NTNG1: variants seen among roughly 807,000 people sequenced by gnomAD.
NTNG1 encodes netrin-G1.
NTNG1 carries 16 observed loss-of-function variants against 54.0 expected under a neutral mutation model. That is an observed-to-expected ratio of 0.30 (90% CI 0.20 to 0.45). The LOEUF is 0.45. NTNG1 is among the 20% of genes least tolerant of loss of function. The pLI, the probability that NTNG1 is intolerant of heterozygous loss-of-function variation, is 1.00. For missense variants in NTNG1, 530 were observed against 678.7 expected (o/e 0.78, Z 2.43); for synonymous variants, 255 against 263.1 (o/e 0.97, Z 0.30).
intron 3 of NTNG1, among the ~76,000 whole-genome samples, chr1:107,334,861 G>C (rs1044007826): frequency 1.3e-5 from 2 of 151,914 alleles, no homozygotes; most frequent in Non-Finnish European, 2.9e-5. Flanking sequence ...ATCACGTAGA[G>C]GACCATTCTG....
At chr1:107,322,754 G>A (rs1040582401) in intron 2 of NTNG1, among the ~76,000 whole-genome samples, 1 of 152,080 alleles carries the variant, frequency 6.6e-6, no homozygotes, top group East Asian at 1.9e-4. Flanking sequence ...GAGAAGTACA[G>A]AAACATTTTC....
Position 107,376,812 on chromosome 1 carries a change from C to G in NTNG1, c.888-18342C>G, listed in dbSNP as rs549116963. Reference sequence around the variant, plus strand: ...GCTTCCAGTCTTCTTTTGCTGCCCCCCCAGCCACCAGCCCCAGCACATGCA... The same window carrying G: ...GCTTCCAGTCTTCTTTTGCTGCCCCGCCAGCCACCAGCCCCAGCACATGCA... On this transcript the variant is annotated intron_variant, in intron 3 of 7. Coordinates refer to ENST00000370068, the MANE Select transcript of NTNG1 (RefSeq NM_001113226.3). 5.9e-5 allele frequency among the ~76,000 whole-genome samples: 9 copies of G among 152,274 alleles called. No individual in the cohort carries two copies. In the East Asian group the frequency reaches 9.6e-4, roughly 16 times the overall value.
intron 7 of NTNG1, among the ~76,000 whole-genome samples, chr1:107,456,472 C>T (rs1012502641): frequency 4.6e-5 from 7 of 152,236 alleles, no homozygotes; most frequent in African/African-American, 1.7e-4. Context: ...ATCCCAGAGA[C>T]TGTAGTATTG....
chr1:107,289,534 C>T (rs533526397), intron 2 of NTNG1, among the ~76,000 whole-genome samples: 5 of 152,110 alleles, frequency 3.3e-5, no homozygotes, highest in African/African-American at 4.8e-5. Flanking sequence ...GCCCTCCCCA[C>T]CCCAGGGTTT....
chr1:107,434,655 A>G (rs1675489769), intron 6 of NTNG1, among the ~76,000 whole-genome samples: 1 of 152,188 alleles, frequency 6.6e-6, no homozygotes, highest in Admixed American at 6.5e-5. Flanking sequence ...CTTAAATAGA[A>G]TAAGGGGAAC....
At chr1:107,213,360 A>T (rs1045894319) in intron 2 of NTNG1, among the ~76,000 whole-genome samples, 3 of 152,156 alleles carry the variant, frequency 2.0e-5, no homozygotes, top group Admixed American at 1.3e-4. Context: ...GACCTGGCTA[A>T]CCATTGGCAC....
At chr1:107,184,588 C>G (rs770294677) in intron 2 of NTNG1, among the ~76,000 whole-genome samples, 23 of 152,058 alleles carry the variant, frequency 1.5e-4, no homozygotes, top group Non-Finnish European at 1.6e-4. Flanking sequence ...CTTCCTGTAT[C>G]AATTTATATA....
chr1:107,238,032 G>A (rs571829766), intron 2 of NTNG1, among the ~76,000 whole-genome samples: 2 of 152,146 alleles, frequency 1.3e-5, no homozygotes, highest in African/African-American at 2.4e-5. Context: ...AGCTTGCACC[G>A]TGAGTGTGGA....
intron 2 of NTNG1, among the ~76,000 whole-genome samples, chr1:107,255,002 A>G (rs1662839817): frequency 6.6e-6 from 1 of 152,220 alleles, no homozygotes; most frequent in Non-Finnish European, 1.5e-5. Context: ...TATATTCATA[A>G]ACAACTACAA....
chr1:107,252,894 C>T (rs1273104739), intron 2 of NTNG1, among the ~76,000 whole-genome samples: 1 of 152,084 alleles, frequency 6.6e-6, no homozygotes, highest in African/African-American at 2.4e-5. Flanking sequence ...GGAATATTAC[C>T]ATTACCAAAG....
At chr1:107,339,267 A>G (rs548765518) in intron 3 of NTNG1, among the ~76,000 whole-genome samples, 4 of 152,150 alleles carry the variant, frequency 2.6e-5, no homozygotes, top group Admixed American at 2.0e-4. Flanking sequence ...ACAGGTTACA[A>G]TCTATCAGAC....
At chr1:107,192,211 C>T (rs868318412) in intron 2 of NTNG1, among the ~76,000 whole-genome samples, 3 of 151,894 alleles carry the variant, frequency 2.0e-5, no homozygotes, top group Admixed American at 2.0e-4. Flanking sequence ...GGATTTCACT[C>T]ATGATTTGGC....
intron 3 of NTNG1, among the ~76,000 whole-genome samples, chr1:107,342,954 G>T (rs1169698819): frequency 6.6e-6 from 1 of 152,092 alleles, no homozygotes; most frequent in African/African-American, 2.4e-5. Flanking sequence ...TGCAGCTATA[G>T]ATCACTGGTA....
chr1:107,482,654 A>G lies in NTNG1; in HGVS notation c.*1814A>G, dbSNP rs1431425638. 1.3e-5 allele frequency: 2 copies of G among 152,220 alleles called. No individual in the cohort carries two copies. Among genetic ancestry groups the G allele is most frequent in the Non-Finnish European group, 2.9e-5 (2 of 68,028 alleles). The allele number at this position is 152,220 out of a possible 1,614,324, so 9.4% of individuals were successfully genotyped here. On this transcript the variant is annotated 3_prime_UTR_variant, in exon 8 of 8. Transcript: ENST00000370068. ...ATGAAATTCTACATGACTTGGTAGA[A>G]CAATAACCTATGATAGTGTAAGGTC...
intron 2 of NTNG1, among the ~76,000 whole-genome samples, chr1:107,160,538 C>T (rs10082309): frequency 0.27 from 40,356 of 151,920 alleles, 5,521 homozygotes; most frequent in South Asian, 0.29. Flanking sequence ...AAAATAGAGA[C>T]GTACGTAACA....
At chr1:107,226,337 C>G (rs1262044902) in intron 2 of NTNG1, among the ~76,000 whole-genome samples, 5 of 152,090 alleles carry the variant, frequency 3.3e-5, no homozygotes, top group African/African-American at 1.2e-4. Flanking sequence ...TCAGATGCAA[C>G]CATTAACACA....
In NTNG1 at chr1:107,376,356, C is replaced by T. The variant is rs144335401; in HGVS notation, c.888-18798C>T. On this transcript the variant is annotated intron_variant, in intron 3 of 7. Transcript: ENST00000370068. ...CCGGGAGGCGGAGCTTACAGTGAGCCGAGGTCGCGCCACTGCACTCCAGCC... is the reference window on the plus strand; with the variant it reads ...CCGGGAGGCGGAGCTTACAGTGAGCTGAGGTCGCGCCACTGCACTCCAGCC... Among the ~76,000 whole-genome samples, 123 of 150,808 alleles carry T rather than the reference C, an allele frequency of 8.2e-4. 1 individual carries two copies. The highest frequency in any genetic ancestry group is 2.6e-3 in the African/African-American group (106 of 41,016).
chr1:107,166,335 T>C (rs1036556871), intron 2 of NTNG1, among the ~76,000 whole-genome samples: 3 of 152,214 alleles, frequency 2.0e-5, no homozygotes, highest in Non-Finnish European at 4.4e-5. Flanking sequence ...GTTACCATTG[T>C]GCTGTCTGTG....
intron 5 of NTNG1, among the ~76,000 whole-genome samples, chr1:107,422,013 C>T (rs984185831): frequency 6.6e-6 from 1 of 151,864 alleles, no homozygotes. Flanking sequence ...TAGTCATTTC[C>T]TAGATTTTAA....
Sources: gnomAD v4.1 joint callset for allele counts (sites outside exome capture counted in the v4.1 genomes callset) on GRCh38, gnomAD v4.1.1 for gene constraint, MANE v1.5 for transcripts, NCBI Gene and HGNC (gene_info 2026-07-23, HGNC 2026-07-21) for gene names.